ME2: variants seen among roughly 807,000 people sequenced by gnomAD.
ME2 encodes NAD-dependent malic enzyme, mitochondrial.
ME2 carries 60 observed loss-of-function variants against 73.7 expected under a neutral mutation model. That is an observed-to-expected ratio of 0.81 (90% CI 0.66 to 1.01). The LOEUF (loss-of-function observed/expected upper bound fraction) is 1.01, where lower values mean the gene tolerates loss of function less well. Ranked by LOEUF, ME2 falls within the 50% of genes least tolerant of loss-of-function variation. The probability of loss-of-function intolerance (pLI) is 0.00; values close to 1 mark genes in which losing one functional copy is unlikely to be tolerated. For synonymous variants in ME2, 199 were observed against 236.9 expected (o/e 0.84, Z 1.47); for missense variants, 594 against 705.5 (o/e 0.84, Z 1.79).
intron 12 of ME2, among the ~76,000 whole-genome samples, chr18:50,931,723 G>A (rs1209829546): frequency 6.7e-6 from 1 of 150,320 alleles, no homozygotes; most frequent in African/African-American, 2.5e-5. Flanking sequence ...TGCCCAGGCT[G>A]GAGTGCAGTG....
At position 50,951,567 on chromosome 18, in the gene ME2, CT is replaced by C. The variant is rs948421936; in HGVS notation, c.*4385del. 42 of 115,144 alleles carry C rather than the reference CT, an allele frequency of 3.6e-4. No individual in the cohort carries two copies. The East Asian group carries it at 0.01, about 28-fold the overall frequency. 7.1% of individuals were successfully genotyped at this position (115,144 alleles called of 1,614,324 possible). On this transcript the variant is annotated 3_prime_UTR_variant, in exon 16 of 16. Transcript: ENST00000321341. ...GTTGTCTTTTTTTTTTTTTTTTTAA[CT>C]TCTTCATACTCTTAAAAAGCTCCAG... is the stretch of plus-strand genomic sequence containing the variant.
At chr18:50,882,721 G>A (rs1568155652) in intron 1 of ME2, among the ~76,000 whole-genome samples, 1 of 152,164 alleles carries the variant, frequency 6.6e-6, no homozygotes, top group African/African-American at 2.4e-5. Flanking sequence ...GCCAGAGGTG[G>A]ATGGATCACT....
intron 1 of ME2, among the ~76,000 whole-genome samples, chr18:50,888,344 C>CA (rs33946334): frequency 1.1e-4 from 14 of 129,010 alleles, no homozygotes; most frequent in African/African-American, 3.7e-4. Flanking sequence ...GACCCTGTCT[C>CA]AAAAAAAAAA....
At chr18:50,916,305 A>G (rs374432325) in intron 5 of ME2, 62 bp downstream of exon 5, 6 of 1,270,394 alleles carry the variant, frequency 4.7e-6, no homozygotes, top group African/African-American at 3.0e-5. Flanking sequence ...TTACCTCTAA[A>G]TCTCCAAGAA....
chr18:50,917,865 C>T (rs904913955), intron 6 of ME2, among the ~76,000 whole-genome samples: 6 of 151,952 alleles, frequency 3.9e-5, no homozygotes, highest in African/African-American at 1.2e-4. Context: ...ATCCCAGCTA[C>T]AAGGCTGAGG....
chr18:50,904,050 A>G (rs757930055), intron 2 of ME2, among the ~76,000 whole-genome samples: 1 of 152,176 alleles, frequency 6.6e-6, no homozygotes, highest in Non-Finnish European at 1.5e-5. Context: ...AGGTATGTCT[A>G]TATTTATAAT....
intron 2 of ME2, among the ~76,000 whole-genome samples, chr18:50,896,806 C>T (rs2144198837): frequency 6.6e-6 from 1 of 152,284 alleles, no homozygotes; most frequent in South Asian, 2.1e-4. Flanking sequence ...TGAGGGGTTT[C>T]AGGCCTACAA....
At chr18:50,880,098 A>G (rs560007698) in intron 1 of ME2, among the ~76,000 whole-genome samples, 3 of 152,230 alleles carry the variant, frequency 2.0e-5, no homozygotes, top group Admixed American at 2.0e-4. Context: ...GGTTAATAGC[A>G]TTGCTATTTC....
rs1450784285 is a variant in ME2, at chr18:50,932,280, G to A, written c.1337G>A (p.Gly446Asp). 6.2e-7 allele frequency: 1 copy of A among 1,611,982 alleles called. No individual in the cohort carries two copies. The highest frequency in any genetic ancestry group is 2.2e-5 in the East Asian group (1 of 44,800). Residue 446 changes from glycine to aspartate, a missense_variant, in exon 13 of 16, where the codon GGC becomes GAC. Transcript: ENST00000321341. Reference sequence around the variant, plus strand: ...CAGGGCAGGTGTTTGTTTGCCAGTGGCAGTCCATTTGGGCCAGTGAAACTT... The same window carrying A: ...CAGGGCAGGTGTTTGTTTGCCAGTGACAGTCCATTTGGGCCAGTGAAACTT... ...LTEGRCLFAS[G>D]SPFGPVKLTD...
intron 4 of ME2, among the ~76,000 whole-genome samples, chr18:50,913,894 T>C (rs1917224770): frequency 1.8e-5 from 1 of 56,582 alleles, no homozygotes; most frequent in Admixed American, 1.9e-4. Context: ...CACACACATA[T>C]GCTGTTTTCA....
Position 50,930,533 on chromosome 18 carries a change from T to C in ME2, c.1315-1725T>C, listed in dbSNP as rs645088. ...TAAGAATATACTATTATCATTAAAA[T>C]CTGGCCACGTTTAAGCCATGGATTA... On this transcript the variant is annotated intron_variant, in intron 12 of 15. Coordinates refer to ENST00000321341, the MANE Select transcript of ME2 (RefSeq NM_002396.5). Among the ~76,000 whole-genome samples the C allele has an allele frequency of 0.68, 103,865 of 152,054 alleles. 35,902 individuals are homozygous for C. Among genetic ancestry groups the C allele is most frequent in the African/African-American group, 0.79 (32,594 of 41,482 alleles).
chr18:50,884,069 T>G (rs568903785), intron 1 of ME2, among the ~76,000 whole-genome samples: 1 of 152,318 alleles, frequency 6.6e-6, no homozygotes, highest in Admixed American at 6.5e-5. Flanking sequence ...CCTGTCTGTT[T>G]CTGTCTGTAA....
At chr18:50,895,764 A>G in intron 1 of ME2, 45 bp from the exon 2 acceptor site, 6 of 1,247,294 alleles carry the variant, frequency 4.8e-6, no homozygotes, top group East Asian at 2.3e-5. Context: ...ATGAAGGCCT[A>G]TAATATGATT....
At chr18:50,928,112 C>A (rs1343481312) in intron 12 of ME2, among the ~76,000 whole-genome samples, 1 of 151,618 alleles carries the variant, frequency 6.6e-6, no homozygotes, top group Non-Finnish European at 1.5e-5. Context: ...GCCACTGTGC[C>A]CCACCTAATT....
chr18:50,893,482 CATCA>C (rs1395213075), intron 1 of ME2, among the ~76,000 whole-genome samples: 2 of 152,116 alleles, frequency 1.3e-5, no homozygotes, highest in African/African-American at 4.8e-5. Flanking sequence ...CTGAAAAGGC[CATCA>C]GGAATTTGTT....
intron 1 of ME2, among the ~76,000 whole-genome samples, chr18:50,888,946 A>G (rs546882943): frequency 1.3e-5 from 2 of 152,166 alleles, no homozygotes; most frequent in African/African-American, 2.4e-5. Flanking sequence ...ATATATTCAT[A>G]TAATTTGTAA....
At chr18:50,928,910 A>G (rs1382092487) in intron 12 of ME2, among the ~76,000 whole-genome samples, 1 of 152,084 alleles carries the variant, frequency 6.6e-6, no homozygotes, top group African/African-American at 2.4e-5. Flanking sequence ...AAGAGCTTCA[A>G]ATGCTAGGCT....
At chr18:50,881,532 T>C (rs1398077448) in intron 1 of ME2, among the ~76,000 whole-genome samples, 2 of 152,248 alleles carry the variant, frequency 1.3e-5, no homozygotes, top group Non-Finnish European at 2.9e-5. Flanking sequence ...TTGATCAATA[T>C]GTACAAATTT....
chr18:50,930,738 T>A (rs866877563), intron 12 of ME2, among the ~76,000 whole-genome samples: 4 of 152,352 alleles, frequency 2.6e-5, no homozygotes, highest in Middle Eastern at 6.8e-3. Flanking sequence ...ATAAGACTAT[T>A]AAAATTAATG....
Sources: allele counts gnomAD v4.1 joint callset (sites outside exome capture counted in the v4.1 genomes callset), GRCh38; gene constraint gnomAD v4.1.1; transcripts MANE v1.5; gene names NCBI Gene and HGNC (gene_info 2026-07-23, HGNC 2026-07-21).